The following CTNNA2 variants were observed in gnomAD, a reference collection of about 807,000 sequenced individuals.
The protein encoded by CTNNA2 is catenin alpha 2, also known as catenin alpha-2.
CTNNA2 carries 42 observed loss-of-function variants against 101.0 expected under a neutral mutation model. That is an observed-to-expected ratio of 0.42 (90% CI 0.32 to 0.54). CTNNA2 has a LOEUF of 0.54. Among genes scored for constraint, CTNNA2 ranks in the 20% least tolerant of loss-of-function variants. CTNNA2 has a pLI of 0.14. For synonymous variants in CTNNA2, 450 were observed against 456.4 expected (o/e 0.99, Z 0.18); for missense variants, 871 against 1,223.1 (o/e 0.71, Z 4.29).
rs536602354 is a variant in CTNNA2, at chr2:79,287,417, G to A, written c.-405-25292G>A. Reference sequence around the variant, plus strand: ...ACTTTTGGTCTTTGACGATGGTGATGTACAGATGGGTTTTTGGTGTGGATG... The same window carrying A: ...ACTTTTGGTCTTTGACGATGGTGATATACAGATGGGTTTTTGGTGTGGATG... On this transcript the variant is annotated intron_variant, in intron 2 of 21. Transcript: ENST00000466387. 4.8e-3 allele frequency among the ~76,000 whole-genome samples: 737 copies of A among 152,290 alleles called. 8 individuals are homozygous for A. Among genetic ancestry groups the A allele is most frequent in the African/African-American group, 0.017 (705 of 41,542 alleles).
At chr2:79,734,486 T>C (rs1023071652) in intron 2 of CTNNA2, among the ~76,000 whole-genome samples, 6 of 152,156 alleles carry the variant, frequency 3.9e-5, no homozygotes, top group African/African-American at 1.4e-4. Flanking sequence ...GACTCATTCT[T>C]ATTTTGTATA....
At chr2:80,446,133 G>C (rs1341729647) in intron 9 of CTNNA2, among the ~76,000 whole-genome samples, 1 of 152,212 alleles carries the variant, frequency 6.6e-6, no homozygotes, top group Non-Finnish European at 1.5e-5. Context: ...TAGCAGCCTT[G>C]TAAGGGCATT....
intron 7 of CTNNA2, among the ~76,000 whole-genome samples, chr2:80,273,863 C>A (rs1188363520): frequency 6.6e-6 from 1 of 152,090 alleles, no homozygotes; most frequent in African/African-American, 2.4e-5. Context: ...TCTTTGTAAA[C>A]ACTCTACCTT....
At chr2:80,270,891 G>A (rs1057142012) in intron 7 of CTNNA2, among the ~76,000 whole-genome samples, 2 of 152,186 alleles carry the variant, frequency 1.3e-5, no homozygotes, top group Non-Finnish European at 2.9e-5. Flanking sequence ...ATATTCAGAT[G>A]ATTGTTTATG....
chr2:80,345,224 C>A lies in CTNNA2; in HGVS notation c.1057-47987C>A, dbSNP rs150972820. On this transcript the variant is annotated intron_variant, in intron 7 of 18. Transcript: ENST00000402739. ...CTGTGGCCCCCTCCCCCTTATCTCA[C>A]AGATGTTACCTTCCACTGCTCTTCT... is the stretch of plus-strand genomic sequence containing the variant. Among the ~76,000 whole-genome samples the A allele has an allele frequency of 1.4e-3, 214 of 152,306 alleles. 1 individual carries two copies. The highest frequency in any genetic ancestry group is 5.1e-3 in the African/African-American group (210 of 41,572).
intron 7 of CTNNA2, among the ~76,000 whole-genome samples, chr2:80,132,250 A>G (rs919544606): frequency 6.6e-6 from 1 of 152,124 alleles, no homozygotes; most frequent in Non-Finnish European, 1.5e-5. Flanking sequence ...TCATGCTGCC[A>G]GCCTTACATG....
chr2:80,501,926 T>C (rs2149534226), intron 9 of CTNNA2, among the ~76,000 whole-genome samples: 2 of 152,298 alleles, frequency 1.3e-5, no homozygotes, highest in African/African-American at 4.8e-5. Context: ...ACTGAAATGC[T>C]GAACTCAAGA....
intron 7 of CTNNA2, among the ~76,000 whole-genome samples, chr2:80,022,354 C>T (rs549023300): frequency 9.3e-4 from 141 of 152,258 alleles, no homozygotes; most frequent in African/African-American, 3.3e-3. Context: ...ATTCAAATAA[C>T]CCCACATATA....
At chr2:80,464,773 T>C (rs1302545491) in intron 9 of CTNNA2, among the ~76,000 whole-genome samples, 1 of 152,136 alleles carries the variant, frequency 6.6e-6, no homozygotes, top group Non-Finnish European at 1.5e-5. Context: ...TAAGCATTAG[T>C]TTATTTAAAC....
At position 79,995,605 on chromosome 2, in the gene CTNNA2, G is replaced by A. The variant is rs188805634; in HGVS notation, c.1056+85808G>A. 9.2e-5 allele frequency among the ~76,000 whole-genome samples: 14 copies of A among 152,232 alleles called. No individual in the cohort carries two copies. The East Asian group carries it at 2.3e-3, about 25-fold the overall frequency. On this transcript the variant is annotated intron_variant, in intron 7 of 18. Coordinates refer to ENST00000402739, the MANE Select transcript of CTNNA2 (RefSeq NM_001282597.3). ...GAGGGAGGATCACTTGAGCTTAGGA[G>A]CTCAAGACCAGCCTGAGCAACATAG...
intron 7 of CTNNA2, among the ~76,000 whole-genome samples, chr2:79,985,929 G>A (rs56971538): frequency 0.011 from 1,744 of 152,206 alleles, 27 homozygotes; most frequent in African/African-American, 0.04. Flanking sequence ...TCCCTCTAGG[G>A]GACCACTTGC....
chr2:80,357,229 ATTTTTTTTTTGT>A (rs1319912278), intron 7 of CTNNA2, among the ~76,000 whole-genome samples: 3 of 130,210 alleles, frequency 2.3e-5, no homozygotes, highest in South Asian at 4.8e-4. Context: ...TCAAAATAGC[ATTTTTTTTTTGT>A]TTTTTTTTTG....
chr2:80,058,513 A>G (rs1048943449), intron 7 of CTNNA2, among the ~76,000 whole-genome samples: 2 of 152,180 alleles, frequency 1.3e-5, no homozygotes, highest in Non-Finnish European at 2.9e-5. Flanking sequence ...AGAAACTTTT[A>G]AAATGATTTT....
intron 7 of CTNNA2, among the ~76,000 whole-genome samples, chr2:80,362,361 T>G (rs1322038528): frequency 6.6e-6 from 1 of 151,876 alleles, no homozygotes. Context: ...GAGGGAGAGG[T>G]CTCTTCTCTA....
At chr2:79,870,492 G>A (rs1225815477) in intron 5 of CTNNA2, among the ~76,000 whole-genome samples, 2 of 151,934 alleles carry the variant, frequency 1.3e-5, no homozygotes, top group Non-Finnish European at 2.9e-5. Context: ...GGGAGGAAGG[G>A]AAAAAGGGGT....
At chr2:80,399,432 C>T (rs1004151093) in intron 8 of CTNNA2, among the ~76,000 whole-genome samples, 3 of 152,192 alleles carry the variant, frequency 2.0e-5, no homozygotes, top group Non-Finnish European at 4.4e-5. Flanking sequence ...TGATTGTTCA[C>T]ACATTGGCTT....
chr2:80,058,772 A>C (rs1288662918), intron 7 of CTNNA2, among the ~76,000 whole-genome samples: 1 of 152,098 alleles, frequency 6.6e-6, no homozygotes, highest in Admixed American at 6.6e-5. Context: ...ACAGAGGTAC[A>C]ATGAATCCCC....
chr2:80,235,090 A>G (rs1400056560), intron 7 of CTNNA2, among the ~76,000 whole-genome samples: 3 of 152,186 alleles, frequency 2.0e-5, no homozygotes, highest in African/African-American at 7.2e-5. Context: ...TTTAGAATGA[A>G]CTAGTATTCT....
At chr2:80,435,880 C>G (rs1381924802) in intron 9 of CTNNA2, among the ~76,000 whole-genome samples, 3 of 152,210 alleles carry the variant, frequency 2.0e-5, no homozygotes, top group Non-Finnish European at 1.5e-5. Context: ...CAGTTAGCAT[C>G]TTTCCATAGT....
Sources: gnomAD v4.1 joint callset for allele counts (sites outside exome capture counted in the v4.1 genomes callset) on GRCh38, gnomAD v4.1.1 for gene constraint, MANE v1.5 for transcripts, NCBI Gene and HGNC (gene_info 2026-07-23, HGNC 2026-07-21) for gene names.